The following TAFA1 variants were observed in gnomAD, a reference collection of about 807,000 sequenced individuals.
TAFA1 encodes the protein TAFA chemokine like family member 1.
Under a neutral mutation model 18.5 loss-of-function variants are expected in TAFA1, and 4 were observed. The observed-to-expected ratio is 0.22, with a 90% CI of 0.11 to 0.49. TAFA1 has a LOEUF of 0.49. Among genes scored for constraint, TAFA1 ranks in the 20% least tolerant of loss-of-function variants. The probability of loss-of-function intolerance (pLI) is 0.98; values close to 1 mark genes in which losing one functional copy is unlikely to be tolerated. For missense variants in TAFA1, 147 were observed against 169.0 expected, an observed-to-expected ratio of 0.87 and a Z score of 0.72; for synonymous variants, 56 against 55.2, an observed-to-expected ratio of 1.01 and a Z score of -0.06.
At chr3:68,520,385 T>C (rs2073002450) in intron 3 of TAFA1, among the ~76,000 whole-genome samples, 2 of 152,230 alleles carry the variant, frequency 1.3e-5, no homozygotes, top group South Asian at 4.1e-4. Flanking sequence ...CCCTTTTTCT[T>C]TTGATGGCTG....
intron 2 of TAFA1, among the ~76,000 whole-genome samples, chr3:68,015,093 C>T (rs1704542921): frequency 6.6e-6 from 1 of 151,980 alleles, no homozygotes; most frequent in Non-Finnish European, 1.5e-5. Flanking sequence ...TGTGTTTTGA[C>T]CTACTTTAAA....
intron 2 of TAFA1, among the ~76,000 whole-genome samples, chr3:68,250,264 A>C (rs1452927413): frequency 3.3e-5 from 5 of 152,210 alleles, no homozygotes; most frequent in Non-Finnish European, 1.5e-5. Flanking sequence ...GCAGAGGTAC[A>C]CATGGCTGTT....
At chr3:68,261,144 T>G (rs1425462193) in intron 2 of TAFA1, among the ~76,000 whole-genome samples, 5 of 151,764 alleles carry the variant, frequency 3.3e-5, no homozygotes, top group Middle Eastern at 3.5e-3. Context: ...CATTTATGCA[T>G]CCAAAAGACA....
At chr3:68,457,409 C>T (rs932299788) in intron 3 of TAFA1, among the ~76,000 whole-genome samples, 2 of 152,114 alleles carry the variant, frequency 1.3e-5, no homozygotes, top group African/African-American at 4.8e-5. Context: ...AACATTTTTG[C>T]TATTTCTAGG....
chr3:68,429,785 C>G (rs2071132803), intron 3 of TAFA1, among the ~76,000 whole-genome samples: 2 of 151,870 alleles, frequency 1.3e-5, no homozygotes, highest in South Asian at 4.1e-4. Flanking sequence ...CTTCATTACT[C>G]AACTTAGATC....
In TAFA1 at chr3:68,343,807, T is replaced by C. The variant is rs78593556; in HGVS notation, c.119-73473T>C. 6.5e-4 allele frequency among the ~76,000 whole-genome samples: 99 copies of C among 152,198 alleles called. 1 individual carries two copies. In the East Asian group the frequency reaches 0.018, roughly 27 times the overall value. On this transcript the variant is annotated intron_variant, in intron 2 of 4. Transcript: ENST00000478136. Reference sequence around the variant, plus strand: ...AGAACAAGAAAAAAGAATGCTGCTGTCCAATCTGATTCTGACATTTAAGAA... The same window carrying C: ...AGAACAAGAAAAAAGAATGCTGCTGCCCAATCTGATTCTGACATTTAAGAA...
At chr3:68,257,414 AT>A (rs993614265) in intron 2 of TAFA1, among the ~76,000 whole-genome samples, 1 of 150,994 alleles carries the variant, frequency 6.6e-6, no homozygotes, top group Admixed American at 6.6e-5. Context: ...AGTTAACTTT[AT>A]AAAGCCATGG....
At chr3:68,517,960 G>A (rs976578741) in intron 3 of TAFA1, among the ~76,000 whole-genome samples, 10 of 149,522 alleles carry the variant, frequency 6.7e-5, no homozygotes, top group Admixed American at 4.0e-4. Flanking sequence ...ACACACACTC[G>A]CACACTTTTG....
intron 2 of TAFA1, among the ~76,000 whole-genome samples, chr3:68,175,067 G>A (rs2066106792): frequency 6.6e-6 from 1 of 152,236 alleles, no homozygotes; most frequent in Admixed American, 6.5e-5. Context: ...GCTTCCCCAA[G>A]GTGCTGAGCT....
intron 2 of TAFA1, among the ~76,000 whole-genome samples, chr3:68,185,290 G>A (rs1052970898): frequency 6.6e-6 from 1 of 152,052 alleles, no homozygotes; most frequent in African/African-American, 2.4e-5. Context: ...AATCACATTT[G>A]GGGAGCCAAC....
intron 2 of TAFA1, among the ~76,000 whole-genome samples, chr3:68,008,219 G>A (rs1194958095): frequency 1.3e-5 from 2 of 152,218 alleles, no homozygotes; most frequent in Non-Finnish European, 2.9e-5. Context: ...CCTGGCGCGG[G>A]AACCGCCACT....
rs1186615254 is a variant in TAFA1 at position 68,479,262 on chromosome 3, A to ATATATATG, written c.260-59493_260-59492insATATATGT. Among the ~76,000 whole-genome samples, 6 of 147,534 alleles carry ATATATATG rather than the reference A, an allele frequency of 4.1e-5. No homozygotes were observed. The East Asian group carries it at 6.0e-4, about 15-fold the overall frequency. Reference sequence around the variant, plus strand: ...AAAAAATATATATATATATATATATATGTCTGTACCCTATAAACTGTAGCT... The same window carrying ATATATATG: ...AAAAAATATATATATATATATATATATATATATGTGTCTGTACCCTATAAACTGTAGCT... On this transcript the variant is annotated intron_variant, in intron 3 of 4. Coordinates refer to ENST00000478136, the MANE Select transcript of TAFA1 (RefSeq NM_213609.4).
At chr3:68,378,712 G>A (rs1311197672) in intron 2 of TAFA1, among the ~76,000 whole-genome samples, 9 of 152,144 alleles carry the variant, frequency 5.9e-5, no homozygotes, top group South Asian at 2.1e-4. Flanking sequence ...TAATTCCCAC[G>A]TGTTGAGGGA....
chr3:68,396,932 C>T (rs2070393081), intron 2 of TAFA1, among the ~76,000 whole-genome samples: 1 of 152,056 alleles, frequency 6.6e-6, no homozygotes, highest in African/African-American at 2.4e-5. Flanking sequence ...TGTCTTTCAC[C>T]CTTTCCCTTG....
intron 2 of TAFA1, among the ~76,000 whole-genome samples, chr3:68,318,446 A>G (rs1393672989): frequency 3.3e-5 from 5 of 152,334 alleles, no homozygotes; most frequent in Non-Finnish European, 7.3e-5. Context: ...TCCTTCAGGT[A>G]TAAGGGATCT....
chr3:68,106,169 A>G (rs1007077955), intron 2 of TAFA1, among the ~76,000 whole-genome samples: 5 of 152,118 alleles, frequency 3.3e-5, no homozygotes, highest in African/African-American at 7.2e-5. Context: ...GCAAAAAAAA[A>G]AGAACGAACG....
chr3:68,340,202 C>T (rs2069056779), intron 2 of TAFA1, among the ~76,000 whole-genome samples: 1 of 152,176 alleles, frequency 6.6e-6, no homozygotes, highest in African/African-American at 2.4e-5. Flanking sequence ...CCTAAAAGAT[C>T]ACAGCCTATC....
rs1413567090 is a variant in TAFA1 at position 68,357,070 on chromosome 3, A to G, written c.119-60210A>G. Among the ~76,000 whole-genome samples, 4 of 152,060 alleles carry G rather than the reference A, an allele frequency of 2.6e-5. No individual in the cohort carries two copies. The East Asian group carries it at 7.7e-4, about 29-fold the overall frequency. ...TCATGCAGAGATAAAGATGCCATGT[A>G]TGTGTTTTCTCTTGCCAATCACACT... is the stretch of plus-strand genomic sequence containing the variant. On this transcript the variant is annotated intron_variant, in intron 2 of 4. Coordinates refer to ENST00000478136, the MANE Select transcript of TAFA1 (RefSeq NM_213609.4).
intron 3 of TAFA1, among the ~76,000 whole-genome samples, chr3:68,467,335 A>G (rs950716696): frequency 6.6e-6 from 1 of 152,220 alleles, no homozygotes; most frequent in Non-Finnish European, 1.5e-5. Flanking sequence ...AGTATTGATT[A>G]GGGAAGTGAT....
Sources: gnomAD v4.1 joint callset for allele counts (sites outside exome capture counted in the v4.1 genomes callset) on GRCh38, gnomAD v4.1.1 for gene constraint, MANE v1.5 for transcripts, NCBI Gene and HGNC (gene_info 2026-07-23, HGNC 2026-07-21) for gene names.